Variants in SLC35D4 observed in about 807,000 individuals in gnomAD.
The protein encoded by SLC35D4 is UDP-N-acetylglucosamine transporter SLC35D4.
chr18:23,341,581 AC>A, the SLC35D4 span, among the ~76,000 whole-genome samples: 2 of 152,230 alleles, frequency 1.3e-5, no homozygotes, highest in African/African-American at 4.8e-5. Context: ...ACATGCTGGC[AC>A]CCAGTGTAGG....
chr18:23,301,717 A>G, the SLC35D4 span, among the ~76,000 whole-genome samples: 13 of 152,376 alleles, frequency 8.5e-5, no homozygotes, highest in East Asian at 7.7e-4. Flanking sequence ...CTCCCCATCT[A>G]TAAAACGGGA....
At chr18:23,402,514 G>C in the SLC35D4 span, among the ~76,000 whole-genome samples, 2 of 152,120 alleles carry the variant, frequency 1.3e-5, no homozygotes, top group African/African-American at 4.8e-5. Context: ...AGCAAAAGAT[G>C]ATTCCCTAGG....
the SLC35D4 span, among the ~76,000 whole-genome samples, chr18:23,312,850 G>A: frequency 9.9e-5 from 15 of 152,158 alleles, no homozygotes; most frequent in Admixed American, 3.3e-4. Context: ...TGAGCCAACC[G>A]GGCGCGGTGG....
chr18:23,239,635 G>T, the SLC35D4 span, among the ~76,000 whole-genome samples: 1 of 152,184 alleles, frequency 6.6e-6, no homozygotes, highest in Middle Eastern at 3.2e-3. Context: ...TGGGGAACAG[G>T]TATAGAATTC....
the SLC35D4 span, among the ~76,000 whole-genome samples, chr18:23,306,487 G>T: frequency 2.6e-5 from 4 of 152,098 alleles, no homozygotes; most frequent in Non-Finnish European, 5.9e-5. Flanking sequence ...TGTATTTTTA[G>T]TAGAGACAGG....
At chr18:23,287,192 T>C in the SLC35D4 span, among the ~76,000 whole-genome samples, 1 of 152,174 alleles carries the variant, frequency 6.6e-6, no homozygotes, top group Non-Finnish European at 1.5e-5. Context: ...TCAGGATCTA[T>C]GACTTATCAA....
At chr18:23,350,918 G>C in the SLC35D4 span, among the ~76,000 whole-genome samples, 2 of 152,266 alleles carry the variant, frequency 1.3e-5, no homozygotes, top group Admixed American at 1.3e-4. Context: ...ATGAACAAAT[G>C]CGTCTCAATT....
chr18:23,280,422 G>A, the SLC35D4 span, among the ~76,000 whole-genome samples: 8,037 of 152,302 alleles, frequency 0.053, 525 homozygotes, highest in Admixed American at 0.19. Flanking sequence ...CTCATGTCCT[G>A]TGTGCACCTG....
chr18:23,329,906 G>T, the SLC35D4 span, among the ~76,000 whole-genome samples: 8 of 152,150 alleles, frequency 5.3e-5, no homozygotes, highest in African/African-American at 1.9e-4. Flanking sequence ...TCCTTTGCAC[G>T]ACATGGATGA....
At chr18:23,311,135 T>C in the SLC35D4 span, among the ~76,000 whole-genome samples, 1 of 151,810 alleles carries the variant, frequency 6.6e-6, no homozygotes, top group African/African-American at 2.4e-5. Context: ...AGGGTCTCGC[T>C]TTGTCGCCCA....
chr18:23,239,658 A>T, the SLC35D4 span, among the ~76,000 whole-genome samples: 1 of 152,214 alleles, frequency 6.6e-6, no homozygotes, highest in Non-Finnish European at 1.5e-5. Flanking sequence ...CTGTTGAACC[A>T]AGTATTGATT....
At chr18:23,414,197 T>C in the SLC35D4 span, among the ~76,000 whole-genome samples, 1 of 150,866 alleles carries the variant, frequency 6.6e-6, no homozygotes, top group African/African-American at 2.4e-5. Flanking sequence ...GAGGTTGCAG[T>C]GAGCTGAGAT....
the SLC35D4 span, chr18:23,437,942 G>T: frequency 8.5e-6 from 12 of 1,416,586 alleles, no homozygotes; most frequent in East Asian, 2.5e-5. Flanking sequence ...CAGCGGCAGC[G>T]GCAGCAGCCG....
chr18:23,339,113 A>T, the SLC35D4 span, among the ~76,000 whole-genome samples: 1 of 151,716 alleles, frequency 6.6e-6, no homozygotes, highest in Non-Finnish European at 1.5e-5. Context: ...CTGGTCTTGA[A>T]CTCCTGGCCT....
At chr18:23,268,304 A>G in the SLC35D4 span, among the ~76,000 whole-genome samples, 1 of 152,212 alleles carries the variant, frequency 6.6e-6, no homozygotes, top group African/African-American at 2.4e-5. Context: ...TCTTGCTGCC[A>G]ATAGAAGTTT....
chr18:23,278,658 A>C, the SLC35D4 span, among the ~76,000 whole-genome samples: 1 of 152,262 alleles, frequency 6.6e-6, no homozygotes, highest in South Asian at 2.1e-4. Flanking sequence ...TACGCGTGAA[A>C]TCATGTCTAG....
the SLC35D4 span, among the ~76,000 whole-genome samples, chr18:23,426,423 T>A: frequency 9.0e-4 from 137 of 152,162 alleles, no homozygotes; most frequent in African/African-American, 3.0e-3. Context: ...CACAATTGCT[T>A]CAAAGAGAAT....
At chr18:23,309,126 T>C in the SLC35D4 span, among the ~76,000 whole-genome samples, 1 of 152,016 alleles carries the variant, frequency 6.6e-6, no homozygotes. Context: ...AAAAAGTCTG[T>C]ACATGTTCAG....
At chr18:23,369,384 T>C in the SLC35D4 span, among the ~76,000 whole-genome samples, 1 of 152,168 alleles carries the variant, frequency 6.6e-6, no homozygotes, top group Non-Finnish European at 1.5e-5. Context: ...GCCTCAGCGC[T>C]CCAGGCCTGA....
Sources: allele counts gnomAD v4.1 joint callset (sites outside exome capture counted in the v4.1 genomes callset), GRCh38; gene constraint gnomAD v4.1.1; transcripts MANE v1.5; gene names NCBI Gene and HGNC (gene_info 2026-07-23, HGNC 2026-07-21).